Variants in NID2 observed in about 807,000 individuals in gnomAD.
The protein encoded by NID2 is nidogen 2.
A neutral mutation model predicts 145.4 loss-of-function variants in NID2; 83 were observed. The observed-to-expected ratio is 0.57, with a 90% CI of 0.48 to 0.69. NID2 has a LOEUF of 0.69. NID2 is among the 30% of genes least tolerant of loss of function. The pLI is 0.00. For synonymous variants in NID2, 739 were observed against 701.3 expected (o/e 1.05, Z -0.85); for missense variants, 1,807 against 1,765.7 (o/e 1.02, Z -0.42).
intron 9 of NID2, among the ~76,000 whole-genome samples, chr14:52,031,214 G>C (rs1021106343): frequency 1.6e-4 from 25 of 152,128 alleles, no homozygotes; most frequent in African/African-American, 4.6e-4. Flanking sequence ...TATCAACTCT[G>C]GCACTTCTGT....
Position 52,014,376 on chromosome 14 carries a change from G to A in NID2, c.3331C>T (p.Leu1111Phe). 6.2e-7 allele frequency: 1 copy of A among 1,614,246 alleles called. No homozygotes were observed. The highest frequency in any genetic ancestry group is 8.5e-7 in the Non-Finnish European group (1 of 1,180,036). Reference protein sequence around the residue: ...VTPPSVGTFLLYTQGQQIGYL... With the variant: ...VTPPSVGTFLFYTQGQQIGYL... ...CCAATCTGCTGGCCCTGAGTATAGA[G>A]CAGGAAGGTGCCCACAGATGGAGGG... The change falls in exon 16 of 22, where the codon CTC (leucine) becomes TTC (phenylalanine). Residue 1111 changes from leucine (L) to phenylalanine (F), a missense_variant. Leu to Phe is a conservative substitution (Grantham distance 22). Transcript: ENST00000216286.
intron 8 of NID2, among the ~76,000 whole-genome samples, chr14:52,040,115 A>G (rs1010336356): frequency 1.3e-5 from 2 of 151,974 alleles, no homozygotes; most frequent in South Asian, 4.1e-4. Context: ...TAATTTTTGT[A>G]TTTTTAGTAG....
chr14:52,053,517 C>T (rs775588685), intron 5 of NID2, 62 bp downstream of exon 5: 66 of 1,528,520 alleles, frequency 4.3e-5, no homozygotes, highest in Middle Eastern at 1.8e-4. Context: ...AAAATCACAA[C>T]GCTATGCAAA....
rs1297301825 is a variant in NID2 at position 52,054,238 on chromosome 14, A to G, written c.851T>C (p.Val284Ala). The part of the protein sequence containing the change: ...SPLDNVRPAA[V>A]GDLSAAHSSV... ...AGAGTGGGCAGCGGAAAGGTCTCCA[A>G]CTGCAGCTGGCCTGACATTGTCCAA... Residue 284 changes from valine to alanine, a missense_variant, in exon 4 of 22, where the codon GTT becomes GCT. Physicochemically the swap from Val to Ala is moderately conservative, Grantham distance 64. Transcript: ENST00000216286. 2 of 1,614,158 alleles carry G rather than the reference A, an allele frequency of 1.2e-6. No individual in the cohort carries two copies. The highest frequency in any genetic ancestry group is 1.7e-6 in the Non-Finnish European group (2 of 1,180,026).
rs1205892054 is a variant in NID2, at chr14:52,053,621, A to T, written c.1387T>A (p.Tyr463Asn). 1.2e-6 allele frequency: 2 copies of T among 1,614,204 alleles called. No homozygotes were observed. Among genetic ancestry groups the T allele is most frequent in the Non-Finnish European group, 1.7e-6 (2 of 1,180,026 alleles). ...GHTTPLSRGTYEVGLEDNIGS... is the reference protein window; with the variant it reads ...GHTTPLSRGTNEVGLEDNIGS... The stretch of plus-strand genomic sequence containing the variant: ...ATGTTGTCTTCCAGTCCCACCTCAT[A>T]CGTCCCTCGACTTAAGGGTGTAGTG... Residue 463 changes from tyrosine (Y) to asparagine (N), a missense_variant, in exon 5 of 22, where the codon TAT becomes AAT. Coordinates refer to ENST00000216286, the MANE Select transcript of NID2 (RefSeq NM_007361.4).
rs192112536 is a variant in NID2, at chr14:52,067,181, C to T, written c.534+677G>A. On this transcript the variant is annotated intron_variant, in intron 2 of 21. Coordinates refer to ENST00000216286, the MANE Select transcript of NID2 (RefSeq NM_007361.4). ...ATAATAATGAAAAACCAGAAAAAGC[C>T]TTAATGGCCCAACACTGGTTGAGCA... Among the ~76,000 whole-genome samples the T allele has an allele frequency of 1.8e-3, 272 of 152,264 alleles. 1 individual carries two copies. The highest frequency in any genetic ancestry group is 6.0e-3 in the African/African-American group (250 of 41,538).
chr14:52,027,748 G>A (rs1891644286), intron 11 of NID2, among the ~76,000 whole-genome samples: 1 of 138,436 alleles, frequency 7.2e-6, no homozygotes, highest in African/African-American at 2.8e-5. Context: ...TTTTTGAGAT[G>A]GAGTCTCACT....
intron 13 of NID2, 26 bp downstream of exon 13, chr14:52,020,033 G>T (rs1230775527): frequency 6.2e-7 from 1 of 1,612,590 alleles, no homozygotes. Context: ...AGATTCATGT[G>T]CCTAATCTGG....
Position 52,017,005 on chromosome 14 carries a change from C to T in NID2, c.3029-1730G>A, listed in dbSNP as rs1382473279. Among the ~76,000 whole-genome samples the T allele has an allele frequency of 3.3e-5, 5 of 152,172 alleles. No individual in the cohort carries two copies. The East Asian group carries it at 7.7e-4, about 23-fold the overall frequency. On this transcript the variant is annotated intron_variant, in intron 14 of 21. Coordinates refer to ENST00000216286, the MANE Select transcript of NID2 (RefSeq NM_007361.4). Reference sequence around the variant, plus strand: ...GGAGACAAAGCTCTTTTTAAGACCCCGTGGAGAAGGTAAGACTCTGACTTC... The same window carrying T: ...GGAGACAAAGCTCTTTTTAAGACCCTGTGGAGAAGGTAAGACTCTGACTTC...
In NID2 at chr14:52,042,892, T is replaced by A. The variant is rs780899741; in HGVS notation, c.1469A>T (p.His490Leu). The A allele has an allele frequency of 6.2e-6, 10 of 1,614,124 alleles. No homozygotes were observed. Among genetic ancestry groups the A allele is most frequent in the Non-Finnish European group, 8.5e-6 (10 of 1,180,052 alleles). ...ATGCCGGGAGCATTGTCTGTGGTTG[T>A]GTTCACAGGTTTCCTTGTTGGCAGC... ...YNAANKETCE[H>L]NHRQCSRHAF... is the part of the protein sequence containing the mutation. Residue 490 changes from histidine (H) to leucine (L), a missense_variant, in exon 6 of 22, where the codon CAC becomes CTC. His to Leu is a moderately conservative substitution (Grantham distance 99). Coordinates refer to ENST00000216286, the MANE Select transcript of NID2 (RefSeq NM_007361.4).
intron 20 of NID2, chr14:52,006,295 A>G: frequency 2.2e-6 from 1 of 461,814 alleles, no homozygotes. Flanking sequence ...TAGCTTTGCT[A>G]CTTTTTAAGC....
intron 18 of NID2, 158 bp downstream of exon 18, chr14:52,010,718 A>G (rs1378435126): frequency 1.5e-6 from 1 of 659,584 alleles, no homozygotes; most frequent in Non-Finnish European, 2.6e-6. Context: ...TTCCTAGAAC[A>G]GGTCCTGACA....
chr14:52,019,447 T>C (rs1003631980), intron 13 of NID2, among the ~76,000 whole-genome samples, 153 bp from the exon 14 acceptor site: 3 of 152,212 alleles, frequency 2.0e-5, no homozygotes, highest in African/African-American at 7.2e-5. Flanking sequence ...TTTACCTCAT[T>C]TCTCTCCAGT....
chr14:52,023,726 G>A (rs1285723985), intron 12 of NID2, among the ~76,000 whole-genome samples: 1 of 152,190 alleles, frequency 6.6e-6, no homozygotes, highest in Non-Finnish European at 1.5e-5. Context: ...ACCAACACAA[G>A]TTTGAAATCA....
chr14:52,011,473 C>A (rs1055470676), intron 17 of NID2, 81 bp downstream of exon 17: 1 of 1,568,582 alleles, frequency 6.4e-7, no homozygotes, highest in Non-Finnish European at 8.7e-7. Flanking sequence ...GGAGAAAAAT[C>A]GAGGGGAGAC....
intron 8 of NID2, among the ~76,000 whole-genome samples, chr14:52,039,850 T>C (rs1892211620): frequency 6.6e-6 from 1 of 152,252 alleles, no homozygotes; most frequent in African/African-American, 2.4e-5. Context: ...CCTTTCCCTA[T>C]AGATATTAAA....
In NID2 at chr14:52,030,577, GGAAAGAAAGAAAGAAA is replaced by G. The variant is rs59292241; in HGVS notation, c.2258-903_2258-888del. 1.9e-4 allele frequency among the ~76,000 whole-genome samples: 18 copies of G among 92,952 alleles called. 2 individuals are homozygous for G. The highest frequency in any genetic ancestry group is 2.9e-4 in the Admixed American group (2 of 6,924). 61.0% of individuals were successfully genotyped at this position (92,952 alleles called of 152,430 possible). On this transcript the variant is annotated intron_variant, in intron 9 of 21. Transcript: ENST00000216286. ...GAAAGAAAGAAAGAAAGGAAGGAAGGGAAAGAAAGAAAGAAAGAAAGAAAGAAAGAGAAAGAAAAAG... is the reference window on the plus strand; with the variant it reads ...GAAAGAAAGAAAGAAAGGAAGGAAGGGAAAGAAAGAAAGAGAAAGAAAAAG...
chr14:52,066,765 T>G (rs1264444537), intron 2 of NID2, among the ~76,000 whole-genome samples: 1 of 152,222 alleles, frequency 6.6e-6, no homozygotes, highest in African/African-American at 2.4e-5. Context: ...TCATATGGTT[T>G]CAGCCCCTAG....
At chr14:52,051,546 G>A (rs1036105397) in intron 5 of NID2, among the ~76,000 whole-genome samples, 1 of 152,264 alleles carries the variant, frequency 6.6e-6, no homozygotes, top group Non-Finnish European at 1.5e-5. Flanking sequence ...ACAATGTTCT[G>A]TGTCTCTGCC....
Sources: allele counts gnomAD v4.1 joint callset (sites outside exome capture counted in the v4.1 genomes callset), GRCh38; gene constraint gnomAD v4.1.1; transcripts MANE v1.5; gene names NCBI Gene and HGNC (gene_info 2026-07-23, HGNC 2026-07-21).